The following CSMD1 variants were observed in gnomAD, a reference collection of about 807,000 sequenced individuals.
CSMD1 encodes CUB and sushi domain-containing protein 1.
Under a neutral mutation model 417.5 loss-of-function variants are expected in CSMD1, and 213 were observed. That is an observed-to-expected ratio of 0.51 (90% CI 0.46 to 0.57). The LOEUF is 0.57. Ranked by LOEUF, CSMD1 falls within the 20% of genes least tolerant of loss-of-function variation. The pLI is 0.00. For synonymous variants in CSMD1, 2,862 were observed against 1,736.8 expected, an observed-to-expected ratio of 1.65 and a Z score of -16.11; for missense variants, 6,923 against 4,529.7, an observed-to-expected ratio of 1.53 and a Z score of -15.17.
rs533650198 is a variant in CSMD1 at position 4,112,261 on chromosome 8, A to T, written c.416-80162T>A. 6.0e-4 allele frequency among the ~76,000 whole-genome samples: 91 copies of T among 152,232 alleles called. 1 individual carries two copies. The highest frequency in any genetic ancestry group is 2.0e-3 in the African/African-American group (84 of 41,550). ...CTCCTGAGGTTCTTAGAAGGCATCA[A>T]TGAATGTCTCTGATACACCTTTCTG... On this transcript the variant is annotated intron_variant, in intron 3 of 69. Transcript: ENST00000635120.
intron 3 of CSMD1, among the ~76,000 whole-genome samples, chr8:4,412,421 A>G (rs1054994856): frequency 6.6e-6 from 1 of 152,142 alleles, no homozygotes; most frequent in Non-Finnish European, 1.5e-5. Flanking sequence ...TTTGCCTTCT[A>G]CCATGATTGG....
intron 12 of CSMD1, among the ~76,000 whole-genome samples, chr8:3,460,084 T>C (rs939015281): frequency 3.3e-5 from 5 of 152,110 alleles, no homozygotes; most frequent in Non-Finnish European, 7.3e-5. Context: ...TTCTGTCTCC[T>C]GGGAAGAAAG....
intron 3 of CSMD1, among the ~76,000 whole-genome samples, chr8:4,411,251 A>G (rs548230664): frequency 6.6e-6 from 1 of 152,304 alleles, no homozygotes; most frequent in Non-Finnish European, 1.5e-5. Flanking sequence ...TGTTACTGAA[A>G]ATTGATTATG....
chr8:4,601,513 G>C (rs1265372860), intron 2 of CSMD1, among the ~76,000 whole-genome samples: 1 of 152,192 alleles, frequency 6.6e-6, no homozygotes, highest in African/African-American at 2.4e-5. Context: ...AGGAGGGACA[G>C]AGATCATAAA....
chr8:4,722,569 T>C (rs970723149), intron 1 of CSMD1, among the ~76,000 whole-genome samples: 1 of 152,188 alleles, frequency 6.6e-6, no homozygotes, highest in Non-Finnish European at 1.5e-5. Context: ...ATCAGATAGT[T>C]AGGAATGTCT....
intron 8 of CSMD1, among the ~76,000 whole-genome samples, chr8:3,605,327 C>T (rs545074302): frequency 3.9e-5 from 6 of 152,306 alleles, no homozygotes; most frequent in African/African-American, 9.6e-5. Flanking sequence ...CACATTTACT[C>T]CCTGGTTTCT....
chr8:4,655,977 G>A (rs1804204236), intron 1 of CSMD1, among the ~76,000 whole-genome samples: 1 of 152,030 alleles, frequency 6.6e-6, no homozygotes, highest in Non-Finnish European at 1.5e-5. Flanking sequence ...TAGTGCAGAG[G>A]GTTGGACAAT....
intron 5 of CSMD1, among the ~76,000 whole-genome samples, chr8:3,864,595 T>C (rs913778708): frequency 1.2e-4 from 18 of 152,118 alleles, no homozygotes; most frequent in Admixed American, 9.8e-4. Flanking sequence ...ACTAGGTATA[T>C]CTCCTAGTGT....
At chr8:3,393,653 G>T (rs1221803092) in intron 17 of CSMD1, among the ~76,000 whole-genome samples, 2 of 152,026 alleles carry the variant, frequency 1.3e-5, no homozygotes, top group South Asian at 2.1e-4. Flanking sequence ...GGAATAGTAT[G>T]CAACCATAAA....
chr8:4,766,546 G>A lies in CSMD1; in HGVS notation c.86-128988C>T, dbSNP rs557056192. Among the ~76,000 whole-genome samples, 3 of 152,322 alleles carry A rather than the reference G, an allele frequency of 2.0e-5. No individual in the cohort carries two copies. In the South Asian group the frequency reaches 6.2e-4, roughly 32 times the overall value. Reference sequence around the variant, plus strand: ...ACTGCATTGCATTGTCAGGATAATTGAGAAATATGCTTTCTGCCCAAATCT... The same window carrying A: ...ACTGCATTGCATTGTCAGGATAATTAAGAAATATGCTTTCTGCCCAAATCT... On this transcript the variant is annotated intron_variant, in intron 1 of 69. Transcript: ENST00000635120.
intron 2 of CSMD1, among the ~76,000 whole-genome samples, chr8:4,502,826 C>T (rs370410255): frequency 4.6e-5 from 7 of 152,066 alleles, no homozygotes; most frequent in East Asian, 1.9e-4. Context: ...GTGTGTATGA[C>T]GGTGTGCTGC....
intron 1 of CSMD1, among the ~76,000 whole-genome samples, chr8:4,824,537 G>T (rs1799706042): frequency 6.6e-6 from 1 of 152,062 alleles, no homozygotes. Context: ...ATACAAGAAA[G>T]TTCTATTAAT....
intron 10 of CSMD1, among the ~76,000 whole-genome samples, chr8:3,507,738 C>G (rs1433501097): frequency 2.6e-5 from 4 of 152,168 alleles, no homozygotes; most frequent in Non-Finnish European, 5.9e-5. Context: ...TTTTGATTTG[C>G]ATTTCTCTGA....
chr8:3,357,442 G>A (rs1808867634), intron 21 of CSMD1, among the ~76,000 whole-genome samples: 1 of 152,242 alleles, frequency 6.6e-6, no homozygotes, highest in Non-Finnish European at 1.5e-5. Flanking sequence ...GAAGGAGCCT[G>A]AAGCAGTGCC....
At chr8:4,236,741 G>T (rs1371453997) in intron 3 of CSMD1, among the ~76,000 whole-genome samples, 1 of 152,124 alleles carries the variant, frequency 6.6e-6, no homozygotes, top group Non-Finnish European at 1.5e-5. Flanking sequence ...GAAGACTGCT[G>T]GATTAAAATG....
chr8:3,461,013 A>G (rs1484744590), intron 12 of CSMD1, among the ~76,000 whole-genome samples: 1 of 152,210 alleles, frequency 6.6e-6, no homozygotes, highest in Non-Finnish European at 1.5e-5. Flanking sequence ...AGTCCTCAGG[A>G]AAGCCCGTTG....
chr8:2,959,449 T>C (rs950760359), intron 62 of CSMD1, among the ~76,000 whole-genome samples: 29 of 152,154 alleles, frequency 1.9e-4, no homozygotes, highest in African/African-American at 6.8e-4. Flanking sequence ...TGCAAGCATG[T>C]TTGCAATTCC....
chr8:4,039,384 G>A (rs1395505992), intron 3 of CSMD1, among the ~76,000 whole-genome samples: 1 of 152,196 alleles, frequency 6.6e-6, no homozygotes, highest in African/African-American at 2.4e-5. Flanking sequence ...CTGGCTTTGG[G>A]AAGGATTAGA....
chr8:4,317,351 G>A (rs773371563), intron 3 of CSMD1, among the ~76,000 whole-genome samples: 12 of 152,220 alleles, frequency 7.9e-5, no homozygotes, highest in Middle Eastern at 3.4e-3. Flanking sequence ...AGACTCCCAC[G>A]TCTGTGTTAT....
Sources: allele counts gnomAD v4.1 joint callset (sites outside exome capture counted in the v4.1 genomes callset), GRCh38; gene constraint gnomAD v4.1.1; transcripts MANE v1.5; gene names NCBI Gene and HGNC (gene_info 2026-07-23, HGNC 2026-07-21).